The following PLCB1 variants were observed in gnomAD, a reference collection of about 807,000 sequenced individuals.
PLCB1 encodes the protein phospholipase C beta 1.
Under a neutral mutation model 161.8 loss-of-function variants are expected in PLCB1, and 46 were observed. That is an observed-to-expected ratio of 0.28 (90% CI 0.22 to 0.36). The LOEUF is 0.36. PLCB1 is among the 10% of genes least tolerant of loss of function. The pLI is 1.00. For missense variants in PLCB1, 1,016 were observed against 1,472.5 expected (o/e 0.69, Z 5.07); for synonymous variants, 517 against 503.7 (o/e 1.03, Z -0.35).
intron 3 of PLCB1, among the ~76,000 whole-genome samples, chr20:8,418,368 C>G (rs998596801): frequency 6.6e-6 from 1 of 152,118 alleles, no homozygotes; most frequent in Non-Finnish European, 1.5e-5. Flanking sequence ...ACCTTCAGGC[C>G]ACCTCCACCA....
chr20:8,793,461 A>G (rs1983865930), intron 31 of PLCB1, among the ~76,000 whole-genome samples: 2 of 152,138 alleles, frequency 1.3e-5, no homozygotes, highest in Admixed American at 6.6e-5. Flanking sequence ...TGGCTTGAGA[A>G]ATAAAGGGAC....
Position 8,199,936 on chromosome 20 carries a change from A to C in PLCB1, c.177+49565A>C, listed in dbSNP as rs536953934. 2.0e-5 allele frequency among the ~76,000 whole-genome samples: 3 copies of C among 152,284 alleles called. No individual in the cohort carries two copies. The South Asian group carries it at 6.2e-4, about 32-fold the overall frequency. On this transcript the variant is annotated intron_variant, in intron 2 of 31. Coordinates refer to ENST00000338037, the MANE Select transcript of PLCB1 (RefSeq NM_015192.4). ...CTACAGTGAGCATACTTAGGCACAG[A>C]GAGGTTGAATATACTGCCTAAGTTT...
chr20:8,665,005 C>G (rs778312393), intron 9 of PLCB1, among the ~76,000 whole-genome samples: 18 of 152,120 alleles, frequency 1.2e-4, no homozygotes, highest in Admixed American at 3.3e-4. Flanking sequence ...ATGACTCCCC[C>G]TAGAGCCCAT....
intron 2 of PLCB1, among the ~76,000 whole-genome samples, chr20:8,203,786 G>T (rs558251050): frequency 5.9e-5 from 9 of 152,160 alleles, no homozygotes; most frequent in Non-Finnish European, 1.3e-4. Flanking sequence ...CAAAATAATA[G>T]ATGGAGATTT....
chr20:8,262,680 T>C (rs1981764190), intron 2 of PLCB1, among the ~76,000 whole-genome samples: 1 of 152,160 alleles, frequency 6.6e-6, no homozygotes, highest in Non-Finnish European at 1.5e-5. Context: ...TATAACAAAA[T>C]ATCATAGACG....
At chr20:8,484,967 C>G (rs1281539695) in intron 3 of PLCB1, among the ~76,000 whole-genome samples, 3 of 152,124 alleles carry the variant, frequency 2.0e-5, no homozygotes, top group Admixed American at 2.0e-4. Flanking sequence ...TGCTATGTGG[C>G]CTGAAGCTTT....
At chr20:8,449,587 G>A (rs1425487855) in intron 3 of PLCB1, among the ~76,000 whole-genome samples, 2 of 152,296 alleles carry the variant, frequency 1.3e-5, no homozygotes, top group Admixed American at 6.5e-5. Flanking sequence ...GGTAAACTCC[G>A]ACCCTCATTG....
At chr20:8,616,510 CTGTT>C (rs1402789695) in intron 3 of PLCB1, among the ~76,000 whole-genome samples, 3 of 152,154 alleles carry the variant, frequency 2.0e-5, no homozygotes, top group African/African-American at 7.2e-5. Context: ...ATTAATGAGG[CTGTT>C]TGATTAATTT....
At chr20:8,753,695 C>T (rs1981596689) in intron 23 of PLCB1, among the ~76,000 whole-genome samples, 1 of 152,130 alleles carries the variant, frequency 6.6e-6, no homozygotes, top group South Asian at 2.1e-4. Context: ...AACTTCTGGG[C>T]CAAATGCAGT....
At chr20:8,756,107 T>C (rs1194549769) in intron 23 of PLCB1, among the ~76,000 whole-genome samples, 1 of 152,204 alleles carries the variant, frequency 6.6e-6, no homozygotes, top group Non-Finnish European at 1.5e-5. Flanking sequence ...GTGGGTGTTG[T>C]TGTTGTTTTA....
chr20:8,435,971 T>G (rs935063346), intron 3 of PLCB1, among the ~76,000 whole-genome samples: 2 of 152,200 alleles, frequency 1.3e-5, no homozygotes, highest in Non-Finnish European at 2.9e-5. Flanking sequence ...CTAGATGAGA[T>G]ACACTAAAAT....
chr20:8,745,473 T>A (rs564275688), intron 23 of PLCB1, among the ~76,000 whole-genome samples: 1 of 152,184 alleles, frequency 6.6e-6, no homozygotes, highest in Non-Finnish European at 1.5e-5. Flanking sequence ...AGATGTTTAA[T>A]AGTCCTGTAA....
At chr20:8,229,915 A>G (rs1007758506) in intron 2 of PLCB1, among the ~76,000 whole-genome samples, 1 of 149,690 alleles carries the variant, frequency 6.7e-6, no homozygotes, top group Non-Finnish European at 1.5e-5. Flanking sequence ...ATTTAGCCAG[A>G]TATGGGGACA....
intron 25 of PLCB1, among the ~76,000 whole-genome samples, 156 bp from the exon 26 acceptor site, chr20:8,764,983 G>C (rs1425775472): frequency 6.6e-6 from 1 of 152,204 alleles, no homozygotes; most frequent in East Asian, 1.9e-4. Context: ...AAGTGATAGA[G>C]CCAGACTGGA....
At chr20:8,768,698 A>G (rs762064169) in intron 26 of PLCB1, among the ~76,000 whole-genome samples, 1 of 152,256 alleles carries the variant, frequency 6.6e-6, no homozygotes, top group Non-Finnish European at 1.5e-5. Flanking sequence ...ACACAAGGCC[A>G]TAGTGACAGT....
intron 2 of PLCB1, among the ~76,000 whole-genome samples, chr20:8,159,988 C>CAAAA (rs375028388): frequency 5.0e-5 from 4 of 79,306 alleles, no homozygotes; most frequent in Admixed American, 1.5e-4. Context: ...AACTCCATCT[C>CAAAA]AAAAAAAAAA....
At chr20:8,796,331 A>T (rs1023939499) in intron 31 of PLCB1, among the ~76,000 whole-genome samples, 1 of 152,126 alleles carries the variant, frequency 6.6e-6, no homozygotes, top group African/African-American at 2.4e-5. Context: ...TGTTAGACCT[A>T]CCGCTGGGCT....
At chr20:8,741,396 A>T in intron 22 of PLCB1, 68 bp from the exon 23 acceptor site, 1 of 1,029,958 alleles carries the variant, frequency 9.7e-7, no homozygotes. Context: ...ATAGATGAGT[A>T]AGTAGATGAA....
chr20:8,788,414 A>G (rs1409954973), intron 27 of PLCB1, 35 bp from the exon 28 acceptor site: 20 of 1,594,848 alleles, frequency 1.3e-5, no homozygotes, highest in Non-Finnish European at 1.7e-5. Flanking sequence ...GTTTGCAATC[A>G]TTTGAAATAG....
Sources: allele counts gnomAD v4.1 joint callset (sites outside exome capture counted in the v4.1 genomes callset), GRCh38; gene constraint gnomAD v4.1.1; transcripts MANE v1.5; gene names NCBI Gene and HGNC (gene_info 2026-07-23, HGNC 2026-07-21).